The following MYO16 variants were observed in gnomAD, a reference collection of about 807,000 sequenced individuals.
MYO16 encodes the protein unconventional myosin-XVI.
MYO16 carries 94 observed loss-of-function variants against 205.3 expected under a neutral mutation model. That is an observed-to-expected ratio of 0.46 (90% confidence interval 0.39 to 0.54). The LOEUF is 0.54. Among genes scored for constraint, MYO16 ranks in the 20% least tolerant of loss-of-function variants. The pLI is 0.00. For synonymous variants in MYO16, 988 were observed against 954.0 expected, an observed-to-expected ratio of 1.04 and a Z score of -0.66; for missense variants, 2,315 against 2,387.5, an observed-to-expected ratio of 0.97 and a Z score of 0.63.
chr13:108,763,518 A>G (rs967254749), intron 4 of MYO16, among the ~76,000 whole-genome samples: 1 of 152,218 alleles, frequency 6.6e-6, no homozygotes, highest in Non-Finnish European at 1.5e-5. Context: ...GAAAATATTC[A>G]TGGTAGAATT....
In MYO16 at chr13:109,022,677, C is replaced by A. The variant is rs1222932135; in HGVS notation, c.2796+2766C>A. Among the ~76,000 whole-genome samples the A allele has an allele frequency of 1.1e-4, 6 of 54,780 alleles. 1 individual carries two copies. Among genetic ancestry groups the A allele is most frequent in the East Asian group, 1.2e-3 (2 of 1,732 alleles). The allele number at this position is 54,780 out of a possible 152,430, so 35.9% of individuals were successfully genotyped here. ...TGTATATATTTATATATTATATATA[C>A]ACATATAAACATGTATATATTTATA... On this transcript the variant is annotated intron_variant, in intron 23 of 34. Coordinates refer to ENST00000457511, the MANE Select transcript of MYO16 (RefSeq NM_001198950.3).
intron 1 of MYO16, among the ~76,000 whole-genome samples, chr13:108,633,896 C>T (rs1880101034): frequency 6.6e-6 from 1 of 152,184 alleles, no homozygotes; most frequent in African/African-American, 2.4e-5. Context: ...TCCATGTCCT[C>T]ACTCTCCCAT....
chr13:109,095,428 C>T (rs1888747647), intron 27 of MYO16, among the ~76,000 whole-genome samples: 1 of 152,124 alleles, frequency 6.6e-6, no homozygotes, highest in South Asian at 2.1e-4. Context: ...GGAATGTGAC[C>T]CTGTTTTTCT....
intron 16 of MYO16, among the ~76,000 whole-genome samples, chr13:108,944,460 C>T (rs1882858795): frequency 2.0e-5 from 3 of 152,068 alleles, no homozygotes; most frequent in Admixed American, 2.0e-4. Context: ...AATTTCCACC[C>T]CCCACTTAAA....
chr13:109,069,408 T>G (rs939892282), intron 27 of MYO16, among the ~76,000 whole-genome samples: 3 of 152,216 alleles, frequency 2.0e-5, no homozygotes, highest in Non-Finnish European at 4.4e-5. Context: ...GCTGAGACAC[T>G]TCAGCATTGT....
intron 23 of MYO16, among the ~76,000 whole-genome samples, chr13:109,034,744 C>A (rs1039630295): frequency 6.6e-6 from 1 of 152,146 alleles, no homozygotes; most frequent in Non-Finnish European, 1.5e-5. Flanking sequence ...ATTTTAATAA[C>A]CTTTGATATT....
At chr13:108,994,784 C>T (rs1215299701) in intron 21 of MYO16, among the ~76,000 whole-genome samples, 2 of 152,066 alleles carry the variant, frequency 1.3e-5, no homozygotes, top group Non-Finnish European at 2.9e-5. Flanking sequence ...AACATGTTTT[C>T]AATTGAAGTT....
At chr13:108,905,418 G>A (rs1880920036) in intron 15 of MYO16, among the ~76,000 whole-genome samples, 1 of 152,150 alleles carries the variant, frequency 6.6e-6, no homozygotes, top group Non-Finnish European at 1.5e-5. Context: ...AAGAACACTG[G>A]CCTCGGTGCA....
intron 16 of MYO16, among the ~76,000 whole-genome samples, chr13:108,940,515 G>T (rs1316811307): frequency 1.3e-5 from 2 of 152,136 alleles, no homozygotes; most frequent in Non-Finnish European, 2.9e-5. Context: ...TTTCTAAGGG[G>T]CTTTATGATC....
At chr13:109,091,754 C>A (rs1888631444) in intron 27 of MYO16, among the ~76,000 whole-genome samples, 2 of 152,176 alleles carry the variant, frequency 1.3e-5, no homozygotes, top group Admixed American at 1.3e-4. Flanking sequence ...CTACGATATT[C>A]CATTTTTCTC....
chr13:108,915,985 T>G (rs769608801), intron 16 of MYO16, among the ~76,000 whole-genome samples: 1 of 152,190 alleles, frequency 6.6e-6, no homozygotes. Flanking sequence ...AAGGGCTTAT[T>G]ATGAACAGGG....
At chr13:108,813,706 C>T (rs370260372) in intron 7 of MYO16, among the ~76,000 whole-genome samples, 75 of 152,252 alleles carry the variant, frequency 4.9e-4, no homozygotes, top group African/African-American at 1.6e-3. Context: ...CATACACACT[C>T]TCTCTCTTTC....
rs1235271075 is a variant in MYO16 at position 108,883,202 on chromosome 13, C to A, written c.1553+16C>A. On this transcript the variant is annotated intron_variant, in intron 13 of 34. Coordinates refer to ENST00000457511, the MANE Select transcript of MYO16 (RefSeq NM_001198950.3). ...TCATCCTCAGGTGAGTCCTCCTCAACCTTGTCTGCCAGGCTCAGGTTTGCC... is the reference window on the plus strand; with the variant it reads ...TCATCCTCAGGTGAGTCCTCCTCAAACTTGTCTGCCAGGCTCAGGTTTGCC... 2.5e-6 allele frequency: 4 copies of A among 1,609,058 alleles called. No individual in the cohort carries two copies. The highest frequency in any genetic ancestry group is 2.6e-6 in the Non-Finnish European group (3 of 1,176,452).
At chr13:108,994,324 CACACACACACAT>C (rs1308121650) in intron 21 of MYO16, among the ~76,000 whole-genome samples, 1 of 145,924 alleles carries the variant, frequency 6.9e-6, no homozygotes, top group African/African-American at 2.6e-5. Context: ...AATACACACA[CACACACACACAT>C]ATATATATAT....
chr13:108,921,002 C>T (rs1451439738), intron 16 of MYO16, among the ~76,000 whole-genome samples: 2 of 152,160 alleles, frequency 1.3e-5, no homozygotes, highest in Non-Finnish European at 1.5e-5. Context: ...GAGAGGGACA[C>T]CTGCACAGTT....
At chr13:108,675,476 A>G (rs906774303) in intron 2 of MYO16, among the ~76,000 whole-genome samples, 6 of 152,240 alleles carry the variant, frequency 3.9e-5, no homozygotes, top group African/African-American at 1.4e-4. Context: ...ATATTTCATG[A>G]ACACAAATTC....
At chr13:108,525,707 G>C in the MYO16 span, among the ~76,000 whole-genome samples, 1 of 152,190 alleles carries the variant, frequency 6.6e-6, no homozygotes, top group Non-Finnish European at 1.5e-5. Flanking sequence ...ACCACTCTCT[G>C]GTGGCCTAGC....
chr13:109,206,819 T>C lies in MYO16; in HGVS notation c.5626T>C (p.Trp1876Arg). The change falls in exon 35 of 35, where the codon TGG (tryptophan) becomes CGG (arginine). Residue 1876 changes from tryptophan (W) to arginine (R), a missense_variant. Around this residue, in one of 3 missense-constraint regions of MYO16, gnomAD observed 1,097 missense variants for 1,092.0 expected, o/e 1.00. Transcript: ENST00000457511. The stretch of plus-strand genomic sequence containing the variant: ...CTGCAACAGGCTGCCGTCTGAGCTC[T>C]GGGACACCACCATTTGATGTGGCCT... ...ASCNRLPSELWDTTI is the reference protein window; with the variant it reads ...ASCNRLPSELRDTTI 13 of 1,614,064 alleles carry C rather than the reference T, an allele frequency of 8.1e-6. No homozygotes were observed. Among genetic ancestry groups the C allele is most frequent in the Non-Finnish European group, 1.0e-5 (12 of 1,179,972 alleles).
At position 109,141,000 on chromosome 13, in the gene MYO16, C is replaced by T. The variant is rs748824582; in HGVS notation, c.4788C>T (p.Pro1596=). Residue 1596 remains proline, a synonymous_variant, in exon 32 of 35, where the codon CCC becomes CCT. Coordinates refer to ENST00000457511, the MANE Select transcript of MYO16 (RefSeq NM_001198950.3). The surrounding 1 kb of genome is among the most constrained non-coding windows in gnomAD (Gnocchi z 8.0). ...SGRASPPSTP[P]PPPPPPGPPP... The stretch of plus-strand genomic sequence containing the variant: ...GAGCCTCCCCGCCGTCCACGCCGCC[C>T]CCGCCCCCGCCCCCGCCCGGGCCGC... 3.1e-5 allele frequency: 41 copies of T among 1,313,382 alleles called. No homozygotes were observed. The highest frequency in any genetic ancestry group is 8.4e-5 in the Admixed American group (2 of 23,838). The allele number at this position is 1,313,382 out of a possible 1,614,324, so 81.4% of individuals were successfully genotyped here.
Sources: gnomAD v4.1 joint callset for allele counts (sites outside exome capture counted in the v4.1 genomes callset) on GRCh38, gnomAD v4.1.1 for gene constraint, gnomAD v4.1.1 regional missense constraint, Gnocchi (gnomAD v3.1) non-coding constraint, MANE v1.5 for transcripts, NCBI Gene and HGNC (gene_info 2026-07-23, HGNC 2026-07-21) for gene names.